Variants in DOCK5 observed in about 807,000 individuals in gnomAD.
The protein encoded by DOCK5 is dedicator of cytokinesis 5.
DOCK5 carries 142 observed loss-of-function variants against 251.8 expected under a neutral mutation model. The observed-to-expected ratio is 0.56, with a 90% confidence interval of 0.49 to 0.65. The LOEUF is 0.65. Among genes scored for constraint, DOCK5 ranks in the 30% least tolerant of loss-of-function variants. The pLI is 0.00. For synonymous variants in DOCK5, 842 were observed against 835.5 expected, an observed-to-expected ratio of 1.01 and a Z score of -0.13; for missense variants, 2,111 against 2,312.3, an observed-to-expected ratio of 0.91 and a Z score of 1.79.
At chr8:25,277,215 A>T (rs1474931716) in intron 4 of DOCK5, 4 of 153,954 alleles carry the variant, frequency 2.6e-5, no homozygotes, top group Non-Finnish European at 5.8e-5. Context: ...TTTCTTTGGA[A>T]CGTAATTTTC....
At chr8:25,200,772 A>G (rs559979563) in intron 1 of DOCK5, among the ~76,000 whole-genome samples, 6 of 152,380 alleles carry the variant, frequency 3.9e-5, no homozygotes, top group East Asian at 1.9e-4. Context: ...TTTTACTTCA[A>G]TAAAGGGCAA....
intron 15 of DOCK5, 47 bp downstream of exon 15, chr8:25,319,723 T>C: frequency 7.3e-7 from 1 of 1,367,884 alleles, no homozygotes; most frequent in Non-Finnish European, 1.0e-6. Flanking sequence ...AAACCTCAGT[T>C]AGATTCCTAT....
At chr8:25,311,079 C>T (rs767763704) in intron 13 of DOCK5, among the ~76,000 whole-genome samples, 5 of 152,168 alleles carry the variant, frequency 3.3e-5, no homozygotes, top group Non-Finnish European at 5.9e-5. Context: ...AGAATGTCAG[C>T]ATTTTCCTGT....
intron 38 of DOCK5, among the ~76,000 whole-genome samples, chr8:25,378,125 G>A (rs1216628729): frequency 6.6e-6 from 1 of 152,116 alleles, no homozygotes; most frequent in East Asian, 1.9e-4. Context: ...TGTCCCTGAA[G>A]ATTGGGCTGA....
chr8:25,259,993 C>T (rs1367807418), intron 2 of DOCK5, among the ~76,000 whole-genome samples: 3 of 152,210 alleles, frequency 2.0e-5, no homozygotes, highest in East Asian at 1.9e-4. Context: ...GTGCGGACAT[C>T]TTGAGACCTG....
intron 1 of DOCK5, among the ~76,000 whole-genome samples, chr8:25,238,469 G>A (rs900474700): frequency 6.6e-6 from 1 of 152,232 alleles, no homozygotes; most frequent in Non-Finnish European, 1.5e-5. Flanking sequence ...AGATGACGGC[G>A]GTGATTGGAA....
intron 27 of DOCK5, 82 bp downstream of exon 27, chr8:25,351,908 G>A: frequency 9.5e-7 from 1 of 1,057,438 alleles, no homozygotes; most frequent in Non-Finnish European, 1.4e-6. Flanking sequence ...GGGGCCAGTG[G>A]CTTGAGACTA....
intron 7 of DOCK5, among the ~76,000 whole-genome samples, chr8:25,297,872 G>A (rs935166342): frequency 1.3e-5 from 2 of 151,906 alleles, no homozygotes; most frequent in East Asian, 3.9e-4. Flanking sequence ...TAGTGACATA[G>A]TGAGACCCCA....
Position 25,411,689 on chromosome 8 carries a change from A to G in DOCK5, c.*391A>G. ...CTTGGAAGGATTTTTTGCTTTGCTT[A>G]TGAAAAGCTGTGCTTGAGACTTAGG... is the stretch of plus-strand genomic sequence containing the variant. On this transcript the variant is annotated 3_prime_UTR_variant, in exon 52 of 52. Coordinates refer to ENST00000276440, the MANE Select transcript of DOCK5 (RefSeq NM_024940.8). The G allele has an allele frequency of 6.0e-6, 1 of 166,582 alleles. No individual in the cohort carries two copies. 10.3% of individuals were successfully genotyped at this position (166,582 alleles called of 1,614,324 possible). A position where few individuals can be genotyped will look rare whatever the true frequency, so the allele number is the denominator to read the frequency against.
Position 25,296,598 on chromosome 8 carries a change from G to T in DOCK5, c.556G>T (p.Ala186Ser), listed in dbSNP as rs778032313. 13 of 1,612,526 alleles carry T rather than the reference G, an allele frequency of 8.1e-6. No homozygotes were observed. In the South Asian group the frequency reaches 9.9e-5, roughly 12 times the overall value. Reference protein sequence around the residue: ...DETSTIALFKAHEVASKRIEE... With the variant: ...DETSTIALFKSHEVASKRIEE... ...AACCAGCACCATTGCCCTCTTCAAG[G>T]CCCATGAGGTGGCCTCCAAAAGGAT... Residue 186 changes from alanine (A) to serine (S), a missense_variant, in exon 7 of 52, where the codon GCC (alanine) becomes TCC (serine). By Grantham distance (99) the Ala-to-Ser change is moderately conservative. Around this residue, in one of 3 missense-constraint regions of DOCK5, gnomAD observed 335 missense variants for 324.9 expected, o/e 1.03. Transcript: ENST00000276440.
At chr8:25,308,567 G>A (rs1463684343) in intron 11 of DOCK5, among the ~76,000 whole-genome samples, 1 of 152,062 alleles carries the variant, frequency 6.6e-6, no homozygotes, top group Non-Finnish European at 1.5e-5. Context: ...TGTACTCTTG[G>A]GTTTTTTTCC....
chr8:25,225,636 G>A (rs1171088828), intron 1 of DOCK5, among the ~76,000 whole-genome samples: 1 of 151,754 alleles, frequency 6.6e-6, no homozygotes, highest in African/African-American at 2.4e-5. Flanking sequence ...AACCCGGGAT[G>A]CGGAGCTTGC....
At position 25,395,269 on chromosome 8, in the gene DOCK5, C is replaced by T. The variant is rs187584662; in HGVS notation, c.4528-274C>T. On this transcript the variant is annotated intron_variant, in intron 44 of 51. Transcript: ENST00000276440. ...AGCAGGCAGAGCTCAGGTTGTAATG[C>T]GAGCGATGGAGAGTGGCTATAAATA... Among the ~76,000 whole-genome samples, 4 of 152,264 alleles carry T rather than the reference C, an allele frequency of 2.6e-5. No individual in the cohort carries two copies. In the East Asian group the frequency reaches 5.8e-4, roughly 22 times the overall value.
At chr8:25,368,844 T>G in intron 33 of DOCK5, 119 bp downstream of exon 33, 2 of 1,120,930 alleles carry the variant, frequency 1.8e-6, no homozygotes, top group Non-Finnish European at 2.4e-6. Context: ...GATCTGAAAG[T>G]TCACTTTACA....
In DOCK5 at chr8:25,304,637, G is replaced by A. The variant is rs941429049; in HGVS notation, c.1049+310G>A. 1.8e-5 allele frequency: 5 copies of A among 273,960 alleles called. No individual in the cohort carries two copies. The East Asian group carries it at 3.6e-4, about 19-fold the overall frequency. 17.0% of individuals were successfully genotyped at this position (273,960 alleles called of 1,614,324 possible). A position where few individuals can be genotyped will look rare whatever the true frequency, so the allele number is the denominator to read the frequency against. On this transcript the variant is annotated intron_variant, in intron 11 of 51. Transcript: ENST00000276440. ...TTGTGTCAGCAATGCCAAAATATAT[G>A]TGCAGTCTATTGCATGAAACAGGCA...
At chr8:25,354,205 T>C (rs888313529) in intron 27 of DOCK5, among the ~76,000 whole-genome samples, 2 of 152,024 alleles carry the variant, frequency 1.3e-5, no homozygotes, top group African/African-American at 2.4e-5. Flanking sequence ...CAGATCAAGA[T>C]GGAAAAAAAC....
intron 50 of DOCK5, among the ~76,000 whole-genome samples, 186 bp downstream of exon 50, chr8:25,409,126 C>A (rs1222942092): frequency 6.6e-6 from 1 of 152,300 alleles, no homozygotes; most frequent in East Asian, 1.9e-4. Flanking sequence ...ACTCATTAAA[C>A]TTTTCTGGAT....
intron 1 of DOCK5, among the ~76,000 whole-genome samples, chr8:25,230,974 A>C (rs1279654113): frequency 6.6e-6 from 1 of 152,148 alleles, no homozygotes; most frequent in Non-Finnish European, 1.5e-5. Flanking sequence ...CAGTATATTA[A>C]TCCTATACTC....
chr8:25,187,070 C>T (rs2117431385), intron 1 of DOCK5, among the ~76,000 whole-genome samples: 1 of 151,454 alleles, frequency 6.6e-6, no homozygotes, highest in Non-Finnish European at 1.5e-5. Flanking sequence ...GCATGGTCGC[C>T]TGTGCCTGTG....
Sources: gnomAD v4.1 joint callset for allele counts (sites outside exome capture counted in the v4.1 genomes callset) on GRCh38, gnomAD v4.1.1 for gene constraint, gnomAD v4.1.1 regional missense constraint, MANE v1.5 for transcripts, NCBI Gene and HGNC (gene_info 2026-07-23, HGNC 2026-07-21) for gene names.